Variants in SART1 observed in about 807,000 individuals in gnomAD.
SART1 encodes the protein spliceosome associated factor 1, recruiter of U4/U6.U5 tri-snRNP.
SART1 carries 28 observed loss-of-function variants against 105.0 expected under a neutral mutation model. The observed-to-expected ratio is 0.27, with a 90% CI of 0.20 to 0.37. The LOEUF is 0.37. Ranked by LOEUF, SART1 falls within the 10% of genes least tolerant of loss-of-function variation. The pLI is 1.00. For missense variants in SART1, 894 were observed against 1,106.5 expected (o/e 0.81, Z 2.72); for synonymous variants, 472 against 462.9 (o/e 1.02, Z -0.25).
intron 16 of SART1, 52 bp downstream of exon 16, chr11:65,977,705 C>G: frequency 1.2e-6 from 2 of 1,613,698 alleles, no homozygotes; most frequent in Non-Finnish European, 1.7e-6. Flanking sequence ...CAGCTTGGAG[C>G]TTCGGGACCA....
At position 65,978,390 on chromosome 11, in the gene SART1, C is replaced by T. The variant is rs553491579; in HGVS notation, c.2173-210C>T. ...TCCCCATGCTCTGCCCCCATGGCAG[C>T]GCATCCACTAGCCAAGCTGGTCTCC... On this transcript the variant is annotated intron_variant, in intron 17 of 19. Transcript: ENST00000312397. This position sits in a 1 kb window ranked among gnomAD's most constrained non-coding sequence, Gnocchi z 6.8. 15 of 588,100 alleles carry T rather than the reference C, an allele frequency of 2.6e-5. 1 individual carries two copies. The highest frequency in any genetic ancestry group is 1.7e-4 in the African/African-American group (9 of 53,728). 36.4% of individuals were successfully genotyped at this position (588,100 alleles called of 1,614,324 possible).
chr11:65,966,666 C>A, intron 9 of SART1, 110 bp downstream of exon 9: 1 of 1,267,634 alleles, frequency 7.9e-7, no homozygotes, highest in Non-Finnish European at 1.1e-6. Context: ...GTTCACAAAG[C>A]GCTTGGCCTC....
Position 65,961,913 on chromosome 11 carries a change from A to AGTGGCGGTAGCG in SART1, c.140_151dup (p.Gly47_Gly50dup). 6.5e-7 allele frequency: 1 copy of AGTGGCGGTAGCG among 1,539,528 alleles called. No homozygotes were observed. Among genetic ancestry groups the AGTGGCGGTAGCG allele is most frequent in the Non-Finnish European group, 8.8e-7 (1 of 1,140,842 alleles). Reference sequence around the variant, plus strand: ...AAAACACAAGCACCGGAGTGGCGGCAGTGGCGGTAGCGGTGGCGAACGACG... The same window carrying AGTGGCGGTAGCG: ...AAAACACAAGCACCGGAGTGGCGGCAGTGGCGGTAGCGGTGGCGGTAGCGGTGGCGAACGACG... On this transcript the variant is annotated inframe_insertion, in exon 1 of 20. Coordinates refer to ENST00000312397, the MANE Select transcript of SART1 (RefSeq NM_005146.5).
In SART1 at chr11:65,978,060, G is replaced by T. The variant is rs1338321557; in HGVS notation, c.2172+161G>T. 49 of 712,048 alleles carry T rather than the reference G, an allele frequency of 6.9e-5. No individual in the cohort carries two copies. Among genetic ancestry groups the T allele is most frequent in the Non-Finnish European group, 7.4e-5 (32 of 435,292 alleles). The allele number at this position is 712,048 out of a possible 1,614,324, so 44.1% of individuals were successfully genotyped here. A position where few individuals can be genotyped will look rare whatever the true frequency, so the allele number is the denominator to read the frequency against. ...CACGGATGGGGAGGGGGCCCTCAGG[G>T]CTGAGGAAGGCTGTGCCTCAGTTTG... On this transcript the variant is annotated intron_variant, in intron 17 of 19. Coordinates refer to ENST00000312397, the MANE Select transcript of SART1 (RefSeq NM_005146.5). This position sits in a 1 kb window ranked among gnomAD's most constrained non-coding sequence, Gnocchi z 6.8.
chr11:65,962,000 G>A lies in SART1; in HGVS notation c.220G>A (p.Ala74Thr), dbSNP rs774140663. 2.7e-6 allele frequency: 4 copies of A among 1,509,302 alleles called. No homozygotes were observed. Among genetic ancestry groups the A allele is most frequent in the South Asian group, 2.5e-5 (2 of 81,526 alleles). The allele number at this position is 1,509,302 out of a possible 1,614,324, so 93.5% of individuals were successfully genotyped here. Residue 74 changes from alanine (A) to threonine (T), a missense_variant, in exon 1 of 20, where the codon GCC (alanine) becomes ACC (threonine). By Grantham distance (58) the Ala-to-Thr change is moderately conservative. Transcript: ENST00000312397. ...GSGRRGAEAE[A>T]RSSTHGRERS... ...CGGGCGGCGCGGGGCCGAAGCTGAG[G>A]CCCGGAGCAGCACGCACGGGCGGGA...
In SART1 at chr11:65,977,672, G is replaced by C; in HGVS notation, c.2036+19G>C. 1.2e-6 allele frequency: 2 copies of C among 1,613,818 alleles called. No homozygotes were observed. The highest frequency in any genetic ancestry group is 1.7e-6 in the Non-Finnish European group (2 of 1,179,786). On this transcript the variant is annotated intron_variant, in intron 16 of 19. Transcript: ENST00000312397. ...ATAAGATGTGAGTGTGGTGGGGCCTGTGCAGGGCTGAGGGGCCTGTGCCAG... is the reference window on the plus strand; with the variant it reads ...ATAAGATGTGAGTGTGGTGGGGCCTCTGCAGGGCTGAGGGGCCTGTGCCAG...
At position 65,966,365 on chromosome 11, in the gene SART1, A is replaced by G. The variant is rs749419049; in HGVS notation, c.997A>G (p.Ile333Val). 1.9e-6 allele frequency: 3 copies of G among 1,614,006 alleles called. No individual in the cohort carries two copies. Among genetic ancestry groups the G allele is most frequent in the South Asian group, 2.2e-5 (2 of 91,088 alleles). The change falls in exon 9 of 20, where the codon ATC (isoleucine) becomes GTC (valine). Residue 333 changes from isoleucine (I) to valine (V), a missense_variant. Physicochemically the swap from Ile to Val is conservative, Grantham distance 29. Around this residue, in one of 2 missense-constraint regions of SART1, gnomAD observed 712 missense variants for 778.2 expected, o/e 0.91. Transcript: ENST00000312397. ...DDLAQQKPRS[I>V]LSKYDEELEG... ...TGCCTTGCAGCAAAAACCTCGCTCTATCCTGTCCAAGTATGACGAAGAGCT... is the reference window on the plus strand; with the variant it reads ...TGCCTTGCAGCAAAAACCTCGCTCTGTCCTGTCCAAGTATGACGAAGAGCT...
At chr11:65,965,518 A>G (rs1855232105) in intron 5 of SART1, 71 bp downstream of exon 5, 1 of 1,466,102 alleles carries the variant, frequency 6.8e-7, no homozygotes, top group Admixed American at 2.0e-5. Flanking sequence ...GGCGGGGGCC[A>G]ACCCCAGAGA....
At position 65,965,782 on chromosome 11, in the gene SART1, G is replaced by C; in HGVS notation, c.738+3G>C. 6.2e-7 allele frequency: 1 copy of C among 1,614,012 alleles called. No individual in the cohort carries two copies. Among genetic ancestry groups the C allele is most frequent in the Non-Finnish European group, 8.5e-7 (1 of 1,179,970 alleles). On this transcript the variant is annotated splice_donor_region_variant and intron_variant, in intron 6 of 19. Coordinates refer to ENST00000312397, the MANE Select transcript of SART1 (RefSeq NM_005146.5). Reference sequence around the variant, plus strand: ...AGGAGTTCGGGCAGAGGCGGCAGGTGAGGCTGCAGCAGGGGTGGTACAGGG... The same window carrying C: ...AGGAGTTCGGGCAGAGGCGGCAGGTCAGGCTGCAGCAGGGGTGGTACAGGG...
intron 12 of SART1, among the ~76,000 whole-genome samples, chr11:65,970,560 C>G (rs1439701564): frequency 6.6e-6 from 1 of 151,924 alleles, no homozygotes; most frequent in Non-Finnish European, 1.5e-5. Context: ...GTGGGGAGGG[C>G]ACAGCAGCTG....
chr11:65,977,440 C>A, intron 15 of SART1, 123 bp from the exon 16 acceptor site: 1 of 797,516 alleles, frequency 1.3e-6, no homozygotes, highest in Non-Finnish European at 2.1e-6. Flanking sequence ...GTAGAACAGG[C>A]CTGATGGCTT....
chr11:65,975,410 A>ATTTT (rs531946236), intron 12 of SART1, among the ~76,000 whole-genome samples: 3 of 110,114 alleles, frequency 2.7e-5, no homozygotes, highest in African/African-American at 1.1e-4. Context: ...CCCTGGAAGA[A>ATTTT]TTTTTTTTTT....
chr11:65,973,733 G>C (rs1037961254), intron 12 of SART1, among the ~76,000 whole-genome samples: 1 of 152,212 alleles, frequency 6.6e-6, no homozygotes, highest in Non-Finnish European at 1.5e-5. Flanking sequence ...GTGGGCTAGA[G>C]AGCCAGATCA....
intron 12 of SART1, among the ~76,000 whole-genome samples, chr11:65,969,015 G>A (rs1288571879): frequency 1.3e-5 from 2 of 152,204 alleles, no homozygotes; most frequent in East Asian, 1.9e-4. Context: ...GCGTGTCCAG[G>A]AGAGGGAGCA....
In SART1 at chr11:65,967,301, A is replaced by G. The variant is rs1389544304; in HGVS notation, c.1231A>G (p.Lys411Glu). 3.7e-6 allele frequency: 6 copies of G among 1,613,986 alleles called. No individual in the cohort carries two copies. The East Asian group carries it at 1.3e-4, about 36-fold the overall frequency. ...CAAGCGGAGGGTGAAGAAAATCCGC[A>G]AGAAGGAGAAGGAGGTAGTAGTGCG... is the stretch of plus-strand genomic sequence containing the variant. ...KTKRRVKKIR[K>E]KEKEVVVRAD... The change falls in exon 10 of 20, where the codon AAG (lysine) becomes GAG (glutamate). Residue 411 changes from lysine (K) to glutamate (E), a missense_variant. Around this residue, in one of 2 missense-constraint regions of SART1, gnomAD observed 712 missense variants for 778.2 expected, o/e 0.91. Transcript: ENST00000312397.
chr11:65,977,010 G>C lies in SART1; in HGVS notation c.1858-4G>C. On this transcript the variant is annotated splice_polypyrimidine_tract_variant and splice_region_variant and intron_variant, in intron 14 of 19. Transcript: ENST00000312397. ...GCTAACCACCCCCGCCACGTGTCCC[G>C]TAGTTCTCTGCTTCCTCCACCACCA... 6.2e-7 allele frequency: 1 copy of C among 1,613,298 alleles called. No homozygotes were observed. Among genetic ancestry groups the C allele is most frequent in the Non-Finnish European group, 8.5e-7 (1 of 1,179,268 alleles).
rs1855292258 is a variant in SART1, at chr11:65,967,796, A to G, written c.1547A>G (p.Gln516Arg). The G allele has an allele frequency of 6.5e-7, 1 of 1,546,056 alleles. No individual in the cohort carries two copies. Among genetic ancestry groups the G allele is most frequent in the Non-Finnish European group, 8.7e-7 (1 of 1,145,158 alleles). Reference protein sequence around the residue: ...GRRLRQLQQLQQLRDSGEKVV... With the variant: ...GRRLRQLQQLRQLRDSGEKVV... ...CGGCTGCGACAGTTACAGCAGCTAC[A>G]GCAGCTGCGAGACAGTGGCGAGAAG... is the stretch of plus-strand genomic sequence containing the variant. Residue 516 changes from glutamine (Q) to arginine (R), a missense_variant, in exon 12 of 20, where the codon CAG (glutamine) becomes CGG (arginine). Transcript: ENST00000312397.
chr11:65,977,927 C>T, intron 17 of SART1, 28 bp downstream of exon 17: 1 of 1,579,624 alleles, frequency 6.3e-7, no homozygotes, highest in Non-Finnish European at 8.6e-7. Context: ...CAGGCGGAGG[C>T]CCGGCCTGCC....
Position 65,967,800 on chromosome 11 carries a change from G to A in SART1, c.1551G>A (p.Gln517=). ...TGCGACAGTTACAGCAGCTACAGCA[G>A]CTGCGAGACAGTGGCGAGAAGGTGA... ...RRLRQLQQLQ[Q]LRDSGEKVVE... The change falls in exon 12 of 20, where the codon CAG becomes CAA. Residue 517 remains glutamine, a synonymous_variant. Coordinates refer to ENST00000312397, the MANE Select transcript of SART1 (RefSeq NM_005146.5). 1 of 1,544,088 alleles carries A rather than the reference G, an allele frequency of 6.5e-7. No homozygotes were observed. The highest frequency in any genetic ancestry group is 8.7e-7 in the Non-Finnish European group (1 of 1,144,030).
Sources: allele counts gnomAD v4.1 joint callset (sites outside exome capture counted in the v4.1 genomes callset), GRCh38; gene constraint gnomAD v4.1.1; regional missense constraint gnomAD v4.1.1; non-coding constraint Gnocchi (gnomAD v3.1); transcripts MANE v1.5; gene names NCBI Gene and HGNC (gene_info 2026-07-23, HGNC 2026-07-21).